Variants in AGBL4 observed in about 807,000 individuals in gnomAD.
The protein encoded by AGBL4 is AGBL carboxypeptidase 4.
In AGBL4, 58 loss-of-function variants were observed where a neutral mutation model predicts 66.4. The observed-to-expected ratio is 0.87, with a 90% CI of 0.71 to 1.09. The LOEUF is 1.09. Among genes scored for constraint, AGBL4 ranks in the 50% least tolerant of loss-of-function variants. AGBL4 has a pLI of 0.00. For synonymous variants in AGBL4, 234 were observed against 222.9 expected, an observed-to-expected ratio of 1.05 and a Z score of -0.44; for missense variants, 579 against 631.0, an observed-to-expected ratio of 0.92 and a Z score of 0.88.
intron 2 of AGBL4, among the ~76,000 whole-genome samples, chr1:49,727,228 A>C (rs941931086): frequency 6.6e-6 from 1 of 152,156 alleles, no homozygotes; most frequent in Non-Finnish European, 1.5e-5. Flanking sequence ...TGTATGAAGT[A>C]AAATTTTTAG....
At chr1:48,639,694 A>G (rs1645723929) in intron 8 of AGBL4, among the ~76,000 whole-genome samples, 2 of 152,228 alleles carry the variant, frequency 1.3e-5, no homozygotes, top group Admixed American at 1.3e-4. Flanking sequence ...ATTGCTCAAC[A>G]TTTGAGATTT....
chr1:49,836,327 A>T (rs1293261749), intron 2 of AGBL4, among the ~76,000 whole-genome samples: 1 of 151,832 alleles, frequency 6.6e-6, no homozygotes, highest in African/African-American at 2.4e-5. Context: ...CATTAAGTTG[A>T]TCTTCAATCT....
At chr1:49,111,683 C>G (rs1215334638) in intron 4 of AGBL4, among the ~76,000 whole-genome samples, 4 of 152,124 alleles carry the variant, frequency 2.6e-5, no homozygotes, top group African/African-American at 9.7e-5. Context: ...TACTTGTGTA[C>G]AGTCTCTCTT....
intron 3 of AGBL4, among the ~76,000 whole-genome samples, chr1:49,381,793 C>A (rs1644617759): frequency 7.7e-6 from 1 of 130,144 alleles, no homozygotes; most frequent in South Asian, 2.4e-4. Context: ...GGGAATTGAA[C>A]AATGAGAACA....
intron 6 of AGBL4, among the ~76,000 whole-genome samples, chr1:48,866,737 T>G (rs1648131810): frequency 6.6e-6 from 1 of 152,096 alleles, no homozygotes; most frequent in African/African-American, 2.4e-5. Context: ...GAGACAAAAG[T>G]TATCTTGACC....
chr1:49,206,610 G>A (rs975007276), intron 4 of AGBL4, among the ~76,000 whole-genome samples: 20 of 152,110 alleles, frequency 1.3e-4, no homozygotes, highest in African/African-American at 4.6e-4. Context: ...TGAAGAAAAT[G>A]AAGGTTCTGC....
chr1:49,001,152 G>C (rs1661367639), intron 5 of AGBL4, among the ~76,000 whole-genome samples: 1 of 152,088 alleles, frequency 6.6e-6, no homozygotes, highest in African/African-American at 2.4e-5. Context: ...GGTCTGCTTT[G>C]TTTCGAGAAG....
At chr1:48,551,960 G>T (rs1175268878) in intron 11 of AGBL4, among the ~76,000 whole-genome samples, 1 of 152,136 alleles carries the variant, frequency 6.6e-6, no homozygotes, top group Non-Finnish European at 1.5e-5. Context: ...CATTTTTAAT[G>T]TGCCTGATTC....
At chr1:49,927,741 A>C (rs570767206) in intron 1 of AGBL4, among the ~76,000 whole-genome samples, 1 of 152,348 alleles carries the variant, frequency 6.6e-6, no homozygotes, top group East Asian at 1.9e-4. Flanking sequence ...TAGCGTCAAC[A>C]GGACAAATCT....
intron 1 of AGBL4, among the ~76,000 whole-genome samples, chr1:49,912,060 T>C (rs1343207698): frequency 6.6e-6 from 1 of 152,182 alleles, no homozygotes; most frequent in African/African-American, 2.4e-5. Flanking sequence ...TGAGGAACTA[T>C]TCCATCTGCG....
chr1:49,669,964 A>G (rs1174034769), intron 3 of AGBL4, among the ~76,000 whole-genome samples: 1 of 152,124 alleles, frequency 6.6e-6, no homozygotes, highest in Non-Finnish European at 1.5e-5. Flanking sequence ...ATACATGAAA[A>G]CATGGGTACC....
At chr1:48,984,598 TA>T (rs1211777787) in intron 5 of AGBL4, among the ~76,000 whole-genome samples, 2 of 149,632 alleles carry the variant, frequency 1.3e-5, no homozygotes, top group Non-Finnish European at 3.0e-5. Flanking sequence ...TTTTTTGAAG[TA>T]AAAAATTAAA....
At chr1:49,304,553 C>G (rs1285760389) in intron 3 of AGBL4, among the ~76,000 whole-genome samples, 1 of 151,950 alleles carries the variant, frequency 6.6e-6, no homozygotes, top group East Asian at 1.9e-4. Context: ...TAGAGGTCAC[C>G]CAGTTGCAGA....
At chr1:49,315,163 A>T (rs1645017290) in intron 3 of AGBL4, among the ~76,000 whole-genome samples, 1 of 152,184 alleles carries the variant, frequency 6.6e-6, no homozygotes, top group African/African-American at 2.4e-5. Context: ...CTATTTAATA[A>T]ATGGTGTTGG....
chr1:48,535,040 G>GT (rs1475550088), intron 12 of AGBL4, 124 bp from the exon 13 acceptor site: 21 of 898,444 alleles, frequency 2.3e-5, no homozygotes, highest in African/African-American at 1.2e-4. Flanking sequence ...AGCATAGGAC[G>GT]TAAGTATGTT....
intron 6 of AGBL4, among the ~76,000 whole-genome samples, chr1:48,777,334 G>T (rs1645149762): frequency 6.6e-6 from 1 of 152,060 alleles, no homozygotes; most frequent in African/African-American, 2.4e-5. Context: ...ATGCGGGATA[G>T]GGGTGGGGGC....
At chr1:49,992,123 G>A (rs1659994162) in intron 1 of AGBL4, among the ~76,000 whole-genome samples, 3 of 152,258 alleles carry the variant, frequency 2.0e-5, no homozygotes, top group South Asian at 4.1e-4. Flanking sequence ...TGTAATCCCA[G>A]CACTTTGGGA....
At chr1:49,893,935 C>T (rs766345356) in intron 1 of AGBL4, among the ~76,000 whole-genome samples, 3 of 152,158 alleles carry the variant, frequency 2.0e-5, no homozygotes, top group Non-Finnish European at 2.9e-5. Flanking sequence ...GCTGTGCTGG[C>T]TTTAGGTCTC....
chr1:49,955,520 T>C (rs900263842), intron 1 of AGBL4, among the ~76,000 whole-genome samples: 1 of 151,924 alleles, frequency 6.6e-6, no homozygotes, highest in Non-Finnish European at 1.5e-5. Flanking sequence ...TATATTCTAA[T>C]GAGATCTAAT....
Sources: gnomAD v4.1 joint callset for allele counts (sites outside exome capture counted in the v4.1 genomes callset) on GRCh38, gnomAD v4.1.1 for gene constraint, MANE v1.5 for transcripts, NCBI Gene and HGNC (gene_info 2026-07-23, HGNC 2026-07-21) for gene names.